The following DNAAF9 variants were observed in gnomAD, a reference collection of about 807,000 sequenced individuals.
The protein encoded by DNAAF9 is dynein axonemal assembly factor 9.
A neutral mutation model predicts 167.0 loss-of-function variants in DNAAF9; 90 were observed. The observed-to-expected ratio is 0.54, with a 90% CI of 0.45 to 0.64. DNAAF9 has a LOEUF of 0.64. Ranked by LOEUF, DNAAF9 falls within the 30% of genes least tolerant of loss-of-function variation. DNAAF9 has a pLI of 0.00. For synonymous variants in DNAAF9, 491 were observed against 508.8 expected (o/e 0.96, Z 0.47); for missense variants, 1,315 against 1,442.2 (o/e 0.91, Z 1.43).
intron 13 of DNAAF9, 105 bp downstream of exon 13, chr20:3,326,092 C>T: frequency 1.2e-5 from 10 of 809,550 alleles, no homozygotes; most frequent in East Asian, 2.7e-5. Flanking sequence ...GGCCCAAGCT[C>T]GCACAAAAGT....
chr20:3,347,851 G>A (rs1342226567), intron 8 of DNAAF9, among the ~76,000 whole-genome samples: 1 of 151,900 alleles, frequency 6.6e-6, no homozygotes, highest in African/African-American at 2.4e-5. Context: ...GAACCCTGGA[G>A]GAAGAGGTTG....
chr20:3,358,011 A>T (rs1001369040), intron 7 of DNAAF9, among the ~76,000 whole-genome samples: 4 of 151,928 alleles, frequency 2.6e-5, no homozygotes, highest in African/African-American at 9.7e-5. Flanking sequence ...TGTCTCTAAA[A>T]ATATATATAT....
At position 3,307,224 on chromosome 20, in the gene DNAAF9, CA is replaced by C. The variant is rs939661471; in HGVS notation, c.1679-2682del. ...AATGGAAAAGAGGAAGACAAATTCA[CA>C]AGACAGTGCTGGAAGAGCTCATTAT... On this transcript the variant is annotated intron_variant, in intron 20 of 36. Coordinates refer to ENST00000252032, the MANE Select transcript of DNAAF9 (RefSeq NM_001009984.3). The C allele has an allele frequency of 9.0e-5, 78 of 868,828 alleles. No homozygotes were observed. In the African/African-American group the frequency reaches 1.2e-3, roughly 13 times the overall value. The allele number at this position is 868,828 out of a possible 1,614,324, so 53.8% of individuals were successfully genotyped here. A position where few individuals can be genotyped will look rare whatever the true frequency, so the allele number is the denominator to read the frequency against.
In DNAAF9 at chr20:3,315,650, G is replaced by T; in HGVS notation, c.1590+85C>A. On this transcript the variant is annotated intron_variant, in intron 19 of 36. Transcript: ENST00000252032. The surrounding 1 kb of genome is among the most constrained non-coding windows in gnomAD (Gnocchi z 4.1). ...AGTGCAAGTCTTTTAGATTAGTAGT[G>T]AGATGAAGCATTTTAATACCTTTAT... 9.8e-7 allele frequency: 1 copy of T among 1,024,584 alleles called. No individual in the cohort carries two copies. The highest frequency in any genetic ancestry group is 1.6e-6 in the Non-Finnish European group (1 of 643,706). 63.5% of individuals were successfully genotyped at this position (1,024,584 alleles called of 1,614,324 possible). A position where few individuals can be genotyped will look rare whatever the true frequency, so the allele number is the denominator to read the frequency against.
rs58641143 is a variant in DNAAF9 at position 3,344,840 on chromosome 20, C to T, written c.790-1109G>A. Reference sequence around the variant, plus strand: ...ATAAGCACTGCCTATGAAATGGTTTCAATATATCTGCCAAGTTGAAAAATG... The same window carrying T: ...ATAAGCACTGCCTATGAAATGGTTTTAATATATCTGCCAAGTTGAAAAATG... On this transcript the variant is annotated intron_variant, in intron 8 of 36. Transcript: ENST00000252032. Among the ~76,000 whole-genome samples, 1,372 of 152,142 alleles carry T rather than the reference C, an allele frequency of 9.0e-3. 20 individuals carry two copies. Among genetic ancestry groups the T allele is most frequent in the African/African-American group, 0.032 (1,318 of 41,506 alleles).
chr20:3,263,893 C>T (rs1344902002), intron 31 of DNAAF9, among the ~76,000 whole-genome samples: 1 of 152,214 alleles, frequency 6.6e-6, no homozygotes, highest in East Asian at 1.9e-4. Flanking sequence ...TGAACAATAG[C>T]TAGCACACAC....
intron 30 of DNAAF9, among the ~76,000 whole-genome samples, chr20:3,269,227 ATAG>A (rs1488445959): frequency 2.1e-5 from 3 of 144,416 alleles, no homozygotes; most frequent in Non-Finnish European, 4.5e-5. Context: ...TTTTTTTTTA[ATAG>A]ACAAAGTCTC....
intron 1 of DNAAF9, among the ~76,000 whole-genome samples, chr20:3,383,180 C>T (rs78508793): frequency 0.035 from 5,335 of 152,082 alleles, 120 homozygotes; most frequent in African/African-American, 0.061. Flanking sequence ...CAGAGAGAGG[C>T]GCCCGATTTC....
intron 31 of DNAAF9, among the ~76,000 whole-genome samples, chr20:3,260,723 G>A (rs1008683644): frequency 1.3e-5 from 2 of 151,720 alleles, no homozygotes; most frequent in African/African-American, 4.8e-5. Context: ...TCCGCCTCCT[G>A]GGTTCAAGCA....
At chr20:3,328,183 GTT>G (rs754972652) in intron 12 of DNAAF9, among the ~76,000 whole-genome samples, 6 of 131,918 alleles carry the variant, frequency 4.5e-5, no homozygotes, top group African/African-American at 8.9e-5. Flanking sequence ...GCATGGCTCT[GTT>G]TTTTTTTTTT....
chr20:3,293,895 C>A (rs980092858), intron 25 of DNAAF9, among the ~76,000 whole-genome samples: 10 of 152,008 alleles, frequency 6.6e-5, no homozygotes, highest in Non-Finnish European at 2.9e-5. Context: ...GGGAAGGGCA[C>A]GGCAAGATGC....
Position 3,379,299 on chromosome 20 carries a change from T to C in DNAAF9, c.283+2080A>G, listed in dbSNP as rs541928342. 2.6e-5 allele frequency among the ~76,000 whole-genome samples: 4 copies of C among 151,110 alleles called. 1 individual carries two copies. The highest frequency in any genetic ancestry group is 9.7e-5 in the African/African-American group (4 of 41,370). ...AAGAGGAAAGCATATGAGAATGGGA[T>C]GAATACGTAACCTATTTAAAAGCTG... On this transcript the variant is annotated intron_variant, in intron 3 of 36. Transcript: ENST00000252032.
At chr20:3,257,505 T>C (rs963945288) in intron 33 of DNAAF9, among the ~76,000 whole-genome samples, 12 of 152,160 alleles carry the variant, frequency 7.9e-5, no homozygotes, top group Admixed American at 7.2e-4. Flanking sequence ...AAGTGAGACA[T>C]TGTCTCAAAA....
intron 27 of DNAAF9, 62 bp downstream of exon 27, chr20:3,287,570 T>C: frequency 1.3e-6 from 2 of 1,517,828 alleles, no homozygotes; most frequent in Non-Finnish European, 1.8e-6. Context: ...ACACATAAAA[T>C]AAGAGTAATG....
At chr20:3,285,571 T>C (rs889583501) in intron 27 of DNAAF9, among the ~76,000 whole-genome samples, 4 of 151,502 alleles carry the variant, frequency 2.6e-5, no homozygotes, top group Admixed American at 6.6e-5. Flanking sequence ...CCCAGCTACT[T>C]GGGAGGCTGA....
chr20:3,318,655 T>C (rs2069553190), intron 16 of DNAAF9, among the ~76,000 whole-genome samples: 1 of 152,168 alleles, frequency 6.6e-6, no homozygotes, highest in African/African-American at 2.4e-5. Flanking sequence ...TGTTTCCGTA[T>C]ATTCCCTCAA....
At chr20:3,401,918 G>A (rs1011772035) in intron 1 of DNAAF9, among the ~76,000 whole-genome samples, 5 of 152,290 alleles carry the variant, frequency 3.3e-5, no homozygotes, top group Admixed American at 3.3e-4. Flanking sequence ...TTCTATAGAA[G>A]ATGGTAGAAG....
intron 8 of DNAAF9, among the ~76,000 whole-genome samples, chr20:3,347,702 C>T (rs1212917253): frequency 2.0e-5 from 3 of 151,954 alleles, no homozygotes; most frequent in African/African-American, 7.2e-5. Flanking sequence ...CTGAGGCGGG[C>T]GATTGAGATC....
chr20:3,302,223 G>A (rs1315554470), intron 21 of DNAAF9, among the ~76,000 whole-genome samples: 1 of 152,102 alleles, frequency 6.6e-6, no homozygotes, highest in East Asian at 1.9e-4. Flanking sequence ...ACAGGCATGA[G>A]CCACTGTGCC....
Sources: allele counts gnomAD v4.1 joint callset (sites outside exome capture counted in the v4.1 genomes callset), GRCh38; gene constraint gnomAD v4.1.1; non-coding constraint Gnocchi (gnomAD v3.1); transcripts MANE v1.5; gene names NCBI Gene and HGNC (gene_info 2026-07-23, HGNC 2026-07-21).